Variants in MARK3 observed in about 807,000 individuals in gnomAD.
MARK3 encodes microtubule affinity regulating kinase 3.
MARK3 carries 46 observed loss-of-function variants against 90.1 expected under a neutral mutation model. The observed-to-expected ratio is 0.51, with a 90% confidence interval of 0.40 to 0.65. The LOEUF is 0.65. Among genes scored for constraint, MARK3 ranks in the 30% least tolerant of loss-of-function variants. The pLI, the probability that MARK3 is intolerant of heterozygous loss-of-function variation, is 0.00. For missense variants in MARK3, 818 were observed against 947.2 expected (o/e 0.86, Z 1.79); for synonymous variants, 321 against 332.6 (o/e 0.97, Z 0.38).
chr14:103,446,920 T>TA (rs112920722), intron 3 of MARK3, among the ~76,000 whole-genome samples: 6,792 of 151,828 alleles, frequency 0.045, 538 homozygotes, highest in African/African-American at 0.16. Flanking sequence ...AGAGGAGAGC[T>TA]AAAAAAGAAC....
At chr14:103,486,677 T>C (rs2093934989) in intron 14 of MARK3, among the ~76,000 whole-genome samples, 1 of 152,146 alleles carries the variant, frequency 6.6e-6, no homozygotes, top group African/African-American at 2.4e-5. Flanking sequence ...ACCATTGTGA[T>C]GTTGGGGCTG....
At chr14:103,386,710 G>A (rs796666298) in intron 1 of MARK3, among the ~76,000 whole-genome samples, 6 of 152,340 alleles carry the variant, frequency 3.9e-5, no homozygotes, top group African/African-American at 1.4e-4. Context: ...TTGAAAAGCA[G>A]ATGTATAGTG....
chr14:103,474,846 T>C (rs1386173091), intron 12 of MARK3, 147 bp from the exon 13 acceptor site: 11 of 621,590 alleles, frequency 1.8e-5, no homozygotes, highest in Non-Finnish European at 2.8e-5. Context: ...ACATTAGATA[T>C]AAGTGGGAAA....
intron 2 of MARK3, among the ~76,000 whole-genome samples, chr14:103,426,949 G>C (rs1278432825): frequency 6.6e-6 from 1 of 151,502 alleles, no homozygotes; most frequent in African/African-American, 2.4e-5. Flanking sequence ...CTATTTGTAT[G>C]CTTACCCATC....
At position 103,491,542 on chromosome 14, in the gene MARK3, C is replaced by T. The variant is rs182093612; in HGVS notation, c.1587-235C>T. 2.3e-3 allele frequency: 1,065 copies of T among 465,956 alleles called. 3 individuals are homozygous for T. Among genetic ancestry groups the T allele is most frequent in the Middle Eastern group, 4.6e-3 (8 of 1,740 alleles). 28.9% of individuals were successfully genotyped at this position (465,956 alleles called of 1,614,324 possible). ...AGAATTTCCCTGCATTAATCTTGTC[C>T]TTGAAAATATATATAATACTGGTCC... On this transcript the variant is annotated intron_variant, in intron 14 of 17. Coordinates refer to ENST00000429436, the MANE Select transcript of MARK3 (RefSeq NM_001128918.3).
At chr14:103,390,800 T>C (rs1328891511) in intron 1 of MARK3, among the ~76,000 whole-genome samples, 3 of 152,172 alleles carry the variant, frequency 2.0e-5, no homozygotes, top group Non-Finnish European at 4.4e-5. Flanking sequence ...CCTTGACCTC[T>C]TGGGCTCAAG....
chr14:103,448,228 A>G (rs2093043520), intron 3 of MARK3, among the ~76,000 whole-genome samples: 1 of 152,192 alleles, frequency 6.6e-6, no homozygotes, highest in Non-Finnish European at 1.5e-5. Context: ...CAGTGCTCCA[A>G]GAGAGCAAGC....
At chr14:103,466,559 C>T in intron 10 of MARK3, 117 bp downstream of exon 10, 1 of 651,066 alleles carries the variant, frequency 1.5e-6, no homozygotes. Flanking sequence ...GTCATATGAA[C>T]AGTTTATCTG....
chr14:103,501,367 G>A (rs1021336030), intron 17 of MARK3, among the ~76,000 whole-genome samples: 2 of 152,174 alleles, frequency 1.3e-5, no homozygotes, highest in Admixed American at 6.5e-5. Flanking sequence ...TAGGACCTAC[G>A]TGGGCATCAA....
intron 4 of MARK3, among the ~76,000 whole-genome samples, chr14:103,449,507 A>C (rs1363412414): frequency 2.0e-5 from 3 of 152,122 alleles, no homozygotes; most frequent in African/African-American, 7.2e-5. Flanking sequence ...GTGTGCCCTA[A>C]GAAAATACTT....
intron 15 of MARK3, among the ~76,000 whole-genome samples, chr14:103,497,563 G>A (rs962798499): frequency 4.6e-5 from 7 of 152,010 alleles, no homozygotes; most frequent in African/African-American, 7.2e-5. Flanking sequence ...AGAATTCTTC[G>A]TGTTTACTAC....
At chr14:103,468,388 A>T (rs11627919) in intron 12 of MARK3, among the ~76,000 whole-genome samples, 1 of 145,752 alleles carries the variant, frequency 6.9e-6, no homozygotes, top group Non-Finnish European at 1.5e-5. Flanking sequence ...GGAGTGGCAC[A>T]ATTTTGGCTC....
Position 103,483,784 on chromosome 14 carries a change from G to A in MARK3, c.1586+3294G>A, listed in dbSNP as rs183871161. Among the ~76,000 whole-genome samples the A allele has an allele frequency of 3.3e-5, 5 of 152,300 alleles. No individual in the cohort carries two copies. In the East Asian group the frequency reaches 5.8e-4, roughly 18 times the overall value. On this transcript the variant is annotated intron_variant, in intron 14 of 17. Transcript: ENST00000429436. ...CTCGAAAAATGGCCAGATTCCAGGCGTGACTAATGGTTGGTGTAAACTAGG... is the reference window on the plus strand; with the variant it reads ...CTCGAAAAATGGCCAGATTCCAGGCATGACTAATGGTTGGTGTAAACTAGG...
chr14:103,386,139 G>T (rs868494667), intron 1 of MARK3, 59 bp downstream of exon 1: 1 of 1,470,930 alleles, frequency 6.8e-7, no homozygotes, highest in Middle Eastern at 1.7e-4. Context: ...TGCTCCTCGG[G>T]CAGTGCCTTG....
At position 103,385,999 on chromosome 14, in the gene MARK3, C is replaced by T. The variant is rs775250492; in HGVS notation, c.-31C>T. 5.0e-6 allele frequency: 8 copies of T among 1,597,350 alleles called. No individual in the cohort carries two copies. The highest frequency in any genetic ancestry group is 1.7e-4 in the Middle Eastern group (1 of 6,046). The stretch of plus-strand genomic sequence containing the variant: ...AGGGCTGTGCTGTTTTGTTTTGACC[C>T]TCGCATTGTGCAGAATTAAAGTGCA... On this transcript the variant is annotated 5_prime_UTR_variant, in exon 1 of 18. Coordinates refer to ENST00000429436, the MANE Select transcript of MARK3 (RefSeq NM_001128918.3).
chr14:103,461,874 T>C (rs1342705203), intron 6 of MARK3, among the ~76,000 whole-genome samples: 1 of 151,996 alleles, frequency 6.6e-6, no homozygotes, highest in Non-Finnish European at 1.5e-5. Context: ...CCATCTCTAC[T>C]AAAAATACGA....
chr14:103,466,856 T>A (rs1026498538), intron 10 of MARK3, among the ~76,000 whole-genome samples: 4 of 151,852 alleles, frequency 2.6e-5, no homozygotes, highest in African/African-American at 9.7e-5. Context: ...ACTACAAAAT[T>A]AGCCAGGCAC....
chr14:103,467,221 C>T (rs534136768), intron 11 of MARK3, 30 bp downstream of exon 11: 19 of 980,118 alleles, frequency 1.9e-5, no homozygotes, highest in African/African-American at 8.2e-5. Flanking sequence ...GCTGAAATAC[C>T]CTGTATGTAA....
At chr14:103,400,225 G>A (rs1396845187) in intron 1 of MARK3, among the ~76,000 whole-genome samples, 3 of 152,010 alleles carry the variant, frequency 2.0e-5, no homozygotes, top group East Asian at 1.9e-4. Context: ...CACAGTGCCC[G>A]GCCTCCCCTT....
Sources: gnomAD v4.1 joint callset for allele counts (sites outside exome capture counted in the v4.1 genomes callset) on GRCh38, gnomAD v4.1.1 for gene constraint, MANE v1.5 for transcripts, NCBI Gene and HGNC (gene_info 2026-07-23, HGNC 2026-07-21) for gene names.